The following ATP8B4 variants were observed in gnomAD, a reference collection of about 807,000 sequenced individuals.
ATP8B4 encodes ATPase phospholipid transporting 8B4 (putative).
In ATP8B4, 133 loss-of-function variants were observed where a neutral mutation model predicts 145.6. That is an observed-to-expected ratio of 0.91 (90% CI 0.79 to 1.05). ATP8B4 has a LOEUF of 1.05. Ranked by LOEUF, ATP8B4 falls within the 50% of genes least tolerant of loss-of-function variation. ATP8B4 has a pLI of 0.00. For missense variants in ATP8B4, 1,458 were observed against 1,425.2 expected (o/e 1.02, Z -0.37); for synonymous variants, 507 against 492.9 (o/e 1.03, Z -0.38).
intron 5 of ATP8B4, among the ~76,000 whole-genome samples, chr15:50,040,435 T>C (rs1381357888): frequency 6.6e-6 from 1 of 152,210 alleles, no homozygotes; most frequent in African/African-American, 2.4e-5. Context: ...ATCCCATCAT[T>C]ATTAAACTCT....
chr15:50,025,833 T>C (rs907143553), intron 6 of ATP8B4, among the ~76,000 whole-genome samples: 4 of 152,234 alleles, frequency 2.6e-5, no homozygotes, highest in African/African-American at 7.2e-5. Context: ...GCACACAGGA[T>C]TCACTCAATA....
At chr15:49,860,642 T>TG (rs1046703395) in intron 27 of ATP8B4, among the ~76,000 whole-genome samples, 167 bp from the exon 28 acceptor site, 8 of 152,098 alleles carry the variant, frequency 5.3e-5, no homozygotes, top group South Asian at 2.1e-4. Flanking sequence ...AAGATAACAC[T>TG]GGGGGGGCAC....
chr15:50,172,857 C>T (rs1345821259), intron 1 of ATP8B4, among the ~76,000 whole-genome samples: 2 of 149,552 alleles, frequency 1.3e-5, no homozygotes, highest in South Asian at 2.2e-4. Context: ...AGGTGAGGAG[C>T]GTCTCTGACC....
rs550815508 is a variant in ATP8B4, at chr15:50,023,982, TA to T, written c.363-13066del. 8.8e-3 allele frequency among the ~76,000 whole-genome samples: 1,341 copies of T among 152,264 alleles called. 8 individuals are homozygous for T. Among genetic ancestry groups the T allele is most frequent in the Middle Eastern group, 0.027 (8 of 294 alleles). On this transcript the variant is annotated intron_variant, in intron 6 of 27. Coordinates refer to ENST00000284509, the MANE Select transcript of ATP8B4 (RefSeq NM_024837.4). ...AAGCCATGTACCTTTTCTCATTTTT[TA>T]TTTGTCTTATTCTTACTGGAAAATT...
At chr15:50,105,240 A>C (rs1323118803) in intron 2 of ATP8B4, among the ~76,000 whole-genome samples, 1 of 140,374 alleles carries the variant, frequency 7.1e-6, no homozygotes, top group Non-Finnish European at 1.5e-5. Context: ...ATTCCCCAAA[A>C]ACTTACTGAA....
At chr15:50,169,755 G>C (rs141842152) in intron 1 of ATP8B4, among the ~76,000 whole-genome samples, 19 of 152,136 alleles carry the variant, frequency 1.2e-4, no homozygotes, top group African/African-American at 4.6e-4. Context: ...GAAAGACAAA[G>C]CCCAATGCAT....
intron 10 of ATP8B4, 41 bp from the exon 11 acceptor site, chr15:49,981,335 G>T: frequency 2.1e-6 from 3 of 1,425,986 alleles, no homozygotes; most frequent in South Asian, 2.4e-5. Flanking sequence ...GAAATGATAT[G>T]ATTATGTATT....
At chr15:49,999,279 C>CA (rs2047690879) in intron 8 of ATP8B4, among the ~76,000 whole-genome samples, 1 of 149,476 alleles carries the variant, frequency 6.7e-6, no homozygotes, top group Admixed American at 6.8e-5. Context: ...TAAACTATCG[C>CA]AAGAACAAAA....
intron 7 of ATP8B4, among the ~76,000 whole-genome samples, chr15:50,005,551 C>T (rs1048007665): frequency 3.2e-4 from 48 of 152,108 alleles, no homozygotes; most frequent in Non-Finnish European, 6.5e-4. Flanking sequence ...GAGGAATAGA[C>T]TCTACCACAC....
In ATP8B4 at chr15:49,859,934, T is replaced by TAA. The variant is rs56272247; in HGVS notation, c.*258_*259dup. ...AGGTCAATTGGTATCTAGGTTGATT[T>TAA]AAAAAAAAAAAAAATCTGTACTTGT... On this transcript the variant is annotated 3_prime_UTR_variant, in exon 28 of 28. Coordinates refer to ENST00000284509, the MANE Select transcript of ATP8B4 (RefSeq NM_024837.4). 2.6e-4 allele frequency: 93 copies of TAA among 359,004 alleles called. No homozygotes were observed. Among genetic ancestry groups the TAA allele is most frequent in the Middle Eastern group, 7.6e-4 (1 of 1,314 alleles). 22.2% of individuals were successfully genotyped at this position (359,004 alleles called of 1,614,324 possible).
intron 21 of ATP8B4, 97 bp downstream of exon 21, chr15:49,900,995 G>A (rs1284880595): frequency 5.5e-6 from 8 of 1,442,010 alleles, no homozygotes; most frequent in African/African-American, 1.4e-5. Context: ...AGTGACATTT[G>A]TCTGGAAAAG....
intron 3 of ATP8B4, among the ~76,000 whole-genome samples, chr15:50,062,022 A>G (rs1029716507): frequency 3.3e-5 from 5 of 152,190 alleles, no homozygotes; most frequent in Admixed American, 3.3e-4. Flanking sequence ...AATAATCTCA[A>G]AATTCCAAGA....
chr15:50,003,981 G>A (rs1486820015), intron 7 of ATP8B4, among the ~76,000 whole-genome samples: 1 of 152,134 alleles, frequency 6.6e-6, no homozygotes, highest in East Asian at 1.9e-4. Flanking sequence ...TAGGTTCCGG[G>A]CTAACTGTTC....
intron 17 of ATP8B4, 130 bp downstream of exon 17, chr15:49,923,249 G>A (rs1434284753): frequency 2.8e-6 from 2 of 707,750 alleles, no homozygotes; most frequent in African/African-American, 1.8e-5. Flanking sequence ...ACAGCTTCCT[G>A]TGGAACCATT....
chr15:49,903,831 T>A (rs1057214065), intron 20 of ATP8B4, among the ~76,000 whole-genome samples: 1 of 151,722 alleles, frequency 6.6e-6, no homozygotes, highest in African/African-American at 2.4e-5. Context: ...GAGGCGGAGG[T>A]TGCAGTGAGC....
intron 6 of ATP8B4, among the ~76,000 whole-genome samples, chr15:50,023,249 T>C (rs1365595228): frequency 6.6e-6 from 1 of 152,208 alleles, no homozygotes; most frequent in Non-Finnish European, 1.5e-5. Context: ...TTCTCTCTTC[T>C]GAATTCCTTT....
intron 2 of ATP8B4, 151 bp from the exon 3 acceptor site, chr15:50,074,336 A>G (rs1567309857): frequency 4.5e-6 from 3 of 661,008 alleles, no homozygotes; most frequent in South Asian, 2.1e-5. Flanking sequence ...TCCAGTGTAC[A>G]TGTTGGAACA....
chr15:50,043,492 A>G (rs975396045), intron 5 of ATP8B4, among the ~76,000 whole-genome samples: 2 of 152,118 alleles, frequency 1.3e-5, no homozygotes, highest in Non-Finnish European at 2.9e-5. Context: ...CTGAGACAGT[A>G]AAACCAATCC....
Position 50,002,210 on chromosome 15 carries a change from A to G in ATP8B4, c.449T>C (p.Leu150Pro), listed in dbSNP as rs201434083. 27 of 1,610,244 alleles carry G rather than the reference A, an allele frequency of 1.7e-5. No individual in the cohort carries two copies. In the East Asian group the frequency reaches 5.4e-4, roughly 32 times the overall value. ...NNQFVAADLL[L>P]LSSSEPHGLC... ...ACCATGTGGCTCACTACTTGATAGG[A>G]GAAGTAAATCAGCCTATTTTCAAAA... The change falls in exon 8 of 28, where the codon CTC becomes CCC. Residue 150 changes from leucine (L) to proline (P), a missense_variant. Physicochemically the swap from Leu to Pro is moderately conservative, Grantham distance 98 (BLOSUM62 -3). Transcript: ENST00000284509.
Sources: allele counts gnomAD v4.1 joint callset (sites outside exome capture counted in the v4.1 genomes callset), GRCh38; gene constraint gnomAD v4.1.1; transcripts MANE v1.5; gene names NCBI Gene and HGNC (gene_info 2026-07-23, HGNC 2026-07-21).